Variants in PPP4R1 observed in about 807,000 individuals in gnomAD.
PPP4R1 encodes the protein protein phosphatase 4 regulatory subunit 1.
Under a neutral mutation model 111.2 loss-of-function variants are expected in PPP4R1, and 42 were observed. The ratio of observed to expected loss-of-function variants is 0.38; its 90% CI spans 0.29 to 0.49. The LOEUF is 0.49. Ranked by LOEUF, PPP4R1 falls within the 20% of genes least tolerant of loss-of-function variation. PPP4R1 has a pLI of 0.97. For synonymous variants in PPP4R1, 409 were observed against 405.5 expected, an observed-to-expected ratio of 1.01 and a Z score of -0.10; for missense variants, 1,012 against 1,161.6, an observed-to-expected ratio of 0.87 and a Z score of 1.87.
chr18:9,604,652 T>C (rs367956202), intron 2 of PPP4R1, among the ~76,000 whole-genome samples: 2 of 152,214 alleles, frequency 1.3e-5, no homozygotes, highest in South Asian at 4.1e-4. Context: ...TTAAGAGTTC[T>C]TCCTTTTAAT....
Position 9,549,324 on chromosome 18 carries a change from A to G in PPP4R1, c.2562T>C (p.Asp854=), listed in dbSNP as rs1265109868. ...CAAACTGGTCCATGGGAAGGCAGTC[A>G]TCCTCAATGACAGTCTGGGGAAGAG... ...FVFVCQTVIE[D]DCLPMDQFAV... The change falls in exon 19 of 20, where the codon GAT becomes GAC. Residue 854 remains aspartate, a synonymous_variant. Transcript: ENST00000400556. The G allele has an allele frequency of 6.2e-7, 1 of 1,607,784 alleles. No homozygotes were observed. The highest frequency in any genetic ancestry group is 1.7e-5 in the Admixed American group (1 of 59,942).
intron 15 of PPP4R1, among the ~76,000 whole-genome samples, chr18:9,554,487 GAAAAA>G: frequency 6.6e-6 from 1 of 150,792 alleles, no homozygotes; most frequent in East Asian, 1.9e-4. Flanking sequence ...GGAGTAAAAA[GAAAAA>G]AATATATAAA....
At chr18:9,581,685 C>G (rs1361755929) in intron 9 of PPP4R1, among the ~76,000 whole-genome samples, 2 of 152,016 alleles carry the variant, frequency 1.3e-5, no homozygotes, top group African/African-American at 4.8e-5. Context: ...ACTTTTCAAA[C>G]GTATTGAAAA....
chr18:9,554,254 A>T (rs2066533957), intron 15 of PPP4R1, among the ~76,000 whole-genome samples: 1 of 151,646 alleles, frequency 6.6e-6, no homozygotes, highest in South Asian at 2.1e-4. Context: ...CAGCCTCCCG[A>T]GTAGCTGGGA....
chr18:9,554,372 G>A (rs562469458), intron 15 of PPP4R1, among the ~76,000 whole-genome samples: 13 of 152,022 alleles, frequency 8.6e-5, no homozygotes, highest in Middle Eastern at 3.4e-3. Context: ...CAGGTGATCC[G>A]CTCGCCTTGG....
chr18:9,594,199 G>A (rs1292960491), intron 3 of PPP4R1: 1 of 176,026 alleles, frequency 5.7e-6, no homozygotes, highest in Non-Finnish European at 1.2e-5. Context: ...CAAAGTGCTG[G>A]GATTACAGGC....
At position 9,572,190 on chromosome 18, in the gene PPP4R1, GGT is replaced by G. The variant is rs1333236472; in HGVS notation, c.1047-1509_1047-1508del. 2.0e-4 allele frequency among the ~76,000 whole-genome samples: 31 copies of G among 152,210 alleles called. 1 individual carries two copies. In the Middle Eastern group the frequency reaches 0.01, roughly 50 times the overall value. On this transcript the variant is annotated intron_variant, in intron 10 of 19. Transcript: ENST00000400556. ...AGGTGGTGATTATCTATGAGAAAGAGGTAAAGACTGAGACAGAGGTGGAGGTC... is the reference window on the plus strand; with the variant it reads ...AGGTGGTGATTATCTATGAGAAAGAGAAAGACTGAGACAGAGGTGGAGGTC...
At chr18:9,603,653 AT>A (rs869065079) in intron 2 of PPP4R1, among the ~76,000 whole-genome samples, 1 of 145,132 alleles carries the variant, frequency 6.9e-6, no homozygotes, top group African/African-American at 2.7e-5. Flanking sequence ...TGCCCAGGTA[AT>A]TTTCTTTATT....
At chr18:9,577,333 G>C in intron 9 of PPP4R1, 142 bp from the exon 10 acceptor site, 1 of 994,744 alleles carries the variant, frequency 1.0e-6, no homozygotes, top group Non-Finnish European at 1.4e-6. Context: ...AGGAAGCCCA[G>C]ATTCAGAACT....
In PPP4R1 at chr18:9,588,866, C is replaced by T. The variant is rs376357126; in HGVS notation, c.296-13G>A. 8.6e-5 allele frequency: 139 copies of T among 1,610,268 alleles called. No homozygotes were observed. The highest frequency in any genetic ancestry group is 6.2e-4 in the East Asian group (28 of 44,854). ...CTCACAGTTGGTTCTATTGAAATAA[C>T]GGCAATGTGAGCAAACATGTTCTCC... On this transcript the variant is annotated splice_polypyrimidine_tract_variant and intron_variant, in intron 4 of 19. Transcript: ENST00000400556.
intron 8 of PPP4R1, among the ~76,000 whole-genome samples, chr18:9,583,614 G>T (rs2067067569): frequency 1.3e-5 from 2 of 152,048 alleles, no homozygotes; most frequent in South Asian, 4.1e-4. Flanking sequence ...TGATCCACCT[G>T]CCTTGGCCTC....
intron 2 of PPP4R1, chr18:9,612,376 T>C (rs1165578837): frequency 1.3e-5 from 2 of 152,238 alleles, no homozygotes; most frequent in Non-Finnish European, 2.9e-5. Flanking sequence ...TACTGTACTG[T>C]ACACCTAGAT....
intron 2 of PPP4R1, among the ~76,000 whole-genome samples, chr18:9,611,938 G>A (rs2067587354): frequency 6.6e-6 from 1 of 151,940 alleles, no homozygotes; most frequent in Non-Finnish European, 1.5e-5. Flanking sequence ...TTGAACCCGG[G>A]AGGCAGAGGT....
intron 9 of PPP4R1, among the ~76,000 whole-genome samples, chr18:9,578,393 C>T (rs1262743035): frequency 2.0e-5 from 3 of 152,138 alleles, no homozygotes; most frequent in East Asian, 1.9e-4. Flanking sequence ...TGTGCCACCA[C>T]ATCCAGTTAA....
intron 15 of PPP4R1, among the ~76,000 whole-genome samples, chr18:9,555,034 G>A (rs1568084960): frequency 6.6e-6 from 1 of 152,210 alleles, no homozygotes; most frequent in Non-Finnish European, 1.5e-5. Flanking sequence ...CAGCATAGTG[G>A]CTCACATCTG....
chr18:9,595,100 G>A lies in PPP4R1; in HGVS notation c.106C>T (p.Leu36=). Reference sequence around the variant, plus strand: ...ATTTCATCTTGTGAGACAAAGTCCAGGGCTGAAGGTATAATAATCACATCA... The same window carrying A: ...ATTTCATCTTGTGAGACAAAGTCCAAGGCTGAAGGTATAATAATCACATCA... ...ESDVIIIPSA[L]DFVSQDEMLT... Residue 36 remains leucine (L), a synonymous_variant, in exon 3 of 20, where the codon CTG becomes TTG. Coordinates refer to ENST00000400556, the MANE Select transcript of PPP4R1 (RefSeq NM_001042388.3). 6.2e-7 allele frequency: 1 copy of A among 1,613,824 alleles called. No individual in the cohort carries two copies. The highest frequency in any genetic ancestry group is 8.5e-7 in the Non-Finnish European group (1 of 1,179,838).
At chr18:9,587,428 A>G (rs552129526) in intron 6 of PPP4R1, 1 of 142,698 alleles carries the variant, frequency 7.0e-6, no homozygotes, top group African/African-American at 2.7e-5. Context: ...TTTAAGACAG[A>G]GTCTTGTTCT....
At chr18:9,605,043 TAC>T (rs2067455544) in intron 2 of PPP4R1, among the ~76,000 whole-genome samples, 1 of 152,202 alleles carries the variant, frequency 6.6e-6, no homozygotes. Flanking sequence ...TTCTATTCTC[TAC>T]ATAATCTCTA....
rs371280737 is a variant in PPP4R1 at position 9,550,153 on chromosome 18, T to G, written c.2446A>C (p.Thr816Pro). The change falls in exon 18 of 20, where the codon ACA becomes CCA. Residue 816 changes from threonine (T) to proline (P), a missense_variant. This residue lies in a region of PPP4R1 where 305 missense variants were observed against 419.5 expected (regional missense o/e 0.73). Coordinates refer to ENST00000400556, the MANE Select transcript of PPP4R1 (RefSeq NM_001042388.3). ...SEMVKKLHAA[T>P]PPTFGVDLIN... ...AGGTCCACTCCGAACGTTGGTGGTG[T>G]TGCCGCGTGCAGCTTCTTCACCATC... The G allele has an allele frequency of 6.2e-7, 1 of 1,614,190 alleles. No individual in the cohort carries two copies. The highest frequency in any genetic ancestry group is 1.3e-5 in the African/African-American group (1 of 75,036).
Sources: allele counts gnomAD v4.1 joint callset (sites outside exome capture counted in the v4.1 genomes callset), GRCh38; gene constraint gnomAD v4.1.1; regional missense constraint gnomAD v4.1.1; transcripts MANE v1.5; gene names NCBI Gene and HGNC (gene_info 2026-07-23, HGNC 2026-07-21).